NACC1: variants seen among roughly 807,000 people sequenced by gnomAD.
NACC1 encodes the protein nucleus accumbens associated 1.
In NACC1, 6 loss-of-function variants were observed where a neutral mutation model predicts 41.7. The observed-to-expected ratio is 0.14, with a 90% confidence interval of 0.08 to 0.28. NACC1 has a LOEUF of 0.28. Ranked by LOEUF, NACC1 falls within the 10% of genes least tolerant of loss-of-function variation. The pLI, the probability that NACC1 is intolerant of heterozygous loss-of-function variation, is 1.00. For missense variants in NACC1, 434 were observed against 763.7 expected (o/e 0.57, Z 5.09); for synonymous variants, 338 against 330.6 (o/e 1.02, Z -0.24).
chr19:13,138,044 CCCCTTTG>C lies in NACC1; in HGVS notation c.1325-102_1325-96del. On this transcript the variant is annotated intron_variant, in intron 5 of 5. Coordinates refer to ENST00000292431, the MANE Select transcript of NACC1 (RefSeq NM_052876.4). The surrounding 1 kb of genome is among the most constrained non-coding windows in gnomAD (Gnocchi z 5.7). ...CCTGGCCGCGTGGCCTCACTCGTTT[CCCCTTTG>C]AGAGGGAGTCGCAGATGCTGTAGGG... The C allele has an allele frequency of 6.5e-7, 1 of 1,530,252 alleles. No homozygotes were observed. The highest frequency in any genetic ancestry group is 1.8e-5 in the Admixed American group (1 of 56,850). The allele number at this position is 1,530,252 out of a possible 1,614,324, so 94.8% of individuals were successfully genotyped here.
At chr19:13,120,946 T>C (rs918961967) in intron 1 of NACC1, among the ~76,000 whole-genome samples, 1 of 152,244 alleles carries the variant, frequency 6.6e-6, no homozygotes, top group African/African-American at 2.4e-5. Flanking sequence ...TTTATTTCAC[T>C]GCTGGGTGCT....
At position 13,136,170 on chromosome 19, in the gene NACC1, TC is replaced by T; in HGVS notation, c.946+22del. On this transcript the variant is annotated intron_variant, in intron 2 of 5. Transcript: ENST00000292431. This position sits in a 1 kb window ranked among gnomAD's most constrained non-coding sequence, Gnocchi z 5.5. ...GCCAGACAGGTGAGGTGCCGTCCTG[TC>T]CCCCATCCCACCAGCCACCCCTGCT... 6.2e-7 allele frequency: 1 copy of T among 1,602,768 alleles called. No individual in the cohort carries two copies. Among genetic ancestry groups the T allele is most frequent in the Non-Finnish European group, 8.5e-7 (1 of 1,173,878 alleles).
chr19:13,122,304 G>A (rs1268778564), intron 1 of NACC1, among the ~76,000 whole-genome samples: 1 of 152,124 alleles, frequency 6.6e-6, no homozygotes, highest in Non-Finnish European at 1.5e-5. Flanking sequence ...GTAAGGGTGA[G>A]CAGACACGGT....
chr19:13,134,704 A>G (rs2019676718), intron 1 of NACC1, among the ~76,000 whole-genome samples: 1 of 152,168 alleles, frequency 6.6e-6, no homozygotes, highest in Non-Finnish European at 1.5e-5. Flanking sequence ...TAGTCATTAT[A>G]CAAACAGTGA....
rs2019727482 is a variant in NACC1, at chr19:13,137,778, AG to A, written c.1324+204del. The stretch of plus-strand genomic sequence containing the variant: ...TGCACGTGCCGAAGGGAAGCCAGGG[AG>A]CCTGTGTCAGGCAGGAGGGTCTCGA... On this transcript the variant is annotated intron_variant, in intron 5 of 5. Coordinates refer to ENST00000292431, the MANE Select transcript of NACC1 (RefSeq NM_052876.4). The surrounding 1 kb of genome is among the most constrained non-coding windows in gnomAD (Gnocchi z 6.1). 2.0e-5 allele frequency among the ~76,000 whole-genome samples: 3 copies of A among 152,148 alleles called. No homozygotes were observed. Among genetic ancestry groups the A allele is most frequent in the Admixed American group, 6.6e-5 (1 of 15,266 alleles).
At position 13,137,824 on chromosome 19, in the gene NACC1, G is replaced by A. The variant is rs2019728327; in HGVS notation, c.1324+249G>A. Among the ~76,000 whole-genome samples the A allele has an allele frequency of 6.6e-6, 1 of 152,170 alleles. No homozygotes were observed. The highest frequency in any genetic ancestry group is 2.4e-5 in the African/African-American group (1 of 41,432). ...TCTCGAACTCAGGGCAGTCTGGGAGGGATGAGGCAGCCAGACAGTGCTAGC... is the reference window on the plus strand; with the variant it reads ...TCTCGAACTCAGGGCAGTCTGGGAGAGATGAGGCAGCCAGACAGTGCTAGC... On this transcript the variant is annotated intron_variant, in intron 5 of 5. Coordinates refer to ENST00000292431, the MANE Select transcript of NACC1 (RefSeq NM_052876.4). The surrounding 1 kb of genome is among the most constrained non-coding windows in gnomAD (Gnocchi z 6.1).
In NACC1 at chr19:13,138,499, A is replaced by G; in HGVS notation, c.*93A>G. 2 of 1,524,768 alleles carry G rather than the reference A, an allele frequency of 1.3e-6. No homozygotes were observed. The highest frequency in any genetic ancestry group is 4.6e-5 in the East Asian group (2 of 43,174). 94.5% of individuals were successfully genotyped at this position (1,524,768 alleles called of 1,614,324 possible). On this transcript the variant is annotated 3_prime_UTR_variant, in exon 6 of 6. Coordinates refer to ENST00000292431, the MANE Select transcript of NACC1 (RefSeq NM_052876.4). This position sits in a 1 kb window ranked among gnomAD's most constrained non-coding sequence, Gnocchi z 5.7. ...CATGAGCTACTGTCTGTCCCTCCCC[A>G]GGACCCGCGGTGGGTGCTGCATGTT...
At chr19:13,128,517 T>G (rs1290854994) in intron 1 of NACC1, among the ~76,000 whole-genome samples, 3 of 152,218 alleles carry the variant, frequency 2.0e-5, no homozygotes, top group African/African-American at 7.2e-5. Context: ...TGGAGGGACA[T>G]ACTTTGTCCA....
At chr19:13,122,213 C>G (rs1369040057) in intron 1 of NACC1, among the ~76,000 whole-genome samples, 1 of 152,202 alleles carries the variant, frequency 6.6e-6, no homozygotes, top group Non-Finnish European at 1.5e-5. Context: ...GGTCTCAGTT[C>G]TTAGAGACCT....
Position 13,138,245 on chromosome 19 carries a change from T to C in NACC1, c.1423T>C (p.Trp475Arg). 1 of 1,614,146 alleles carries C rather than the reference T, an allele frequency of 6.2e-7. No individual in the cohort carries two copies. The highest frequency in any genetic ancestry group is 8.5e-7 in the Non-Finnish European group (1 of 1,180,002). Residue 475 changes from tryptophan (W) to arginine (R), a missense_variant, in exon 6 of 6, where the codon TGG becomes CGG. Trp to Arg is a moderately radical substitution (Grantham distance 101, BLOSUM62 -3). This residue lies in a region of NACC1 where 70 missense variants were observed against 206.9 expected (regional missense o/e 0.34). Transcript: ENST00000292431. This position sits in a 1 kb window ranked among gnomAD's most constrained non-coding sequence, Gnocchi z 5.7. ...TNARRVVRKS[W>R]MPKVKVLKAE... ...CGCCCGCCGCGTCGTGCGCAAGAGCTGGATGCCCAAGGTCAAGGTGCTCAA... is the reference window on the plus strand; with the variant it reads ...CGCCCGCCGCGTCGTGCGCAAGAGCCGGATGCCCAAGGTCAAGGTGCTCAA...
At chr19:13,129,441 T>C (rs1250138242) in intron 1 of NACC1, among the ~76,000 whole-genome samples, 1 of 142,376 alleles carries the variant, frequency 7.0e-6, no homozygotes, top group Non-Finnish European at 1.5e-5. Flanking sequence ...TTGGGCAGGA[T>C]TGGGCCGGAT....
Position 13,136,234 on chromosome 19 carries a change from G to C in NACC1, c.949G>C (p.Glu317Gln). ...YSMMNVGQTA[E>Q]KVEALPEQVA... ...CGCGTGCCACTCTCTCCCTGCAGCC[G>C]AGAAGGTGGAGGCCCTCCCGGAGCA... The change falls in exon 3 of 6, where the codon GAG becomes CAG. Residue 317 changes from glutamate to glutamine, a missense_variant and splice_region_variant. Glu to Gln is a conservative substitution (Grantham distance 29). Coordinates refer to ENST00000292431, the MANE Select transcript of NACC1 (RefSeq NM_052876.4). This position sits in a 1 kb window ranked among gnomAD's most constrained non-coding sequence, Gnocchi z 5.5. 6.2e-7 allele frequency: 1 copy of C among 1,611,940 alleles called. No individual in the cohort carries two copies. The highest frequency in any genetic ancestry group is 8.5e-7 in the Non-Finnish European group (1 of 1,178,640).
chr19:13,129,327 G>A (rs28609273), intron 1 of NACC1, among the ~76,000 whole-genome samples: 5,050 of 152,204 alleles, frequency 0.033, 246 homozygotes, highest in African/African-American at 0.11. Context: ...ACCTGCCAGC[G>A]AGAGACCCGT....
Position 13,139,945 on chromosome 19 carries a change from C to T in NACC1, c.*1539C>T, listed in dbSNP as rs2019764900. The T allele has an allele frequency of 6.6e-6, 1 of 152,384 alleles. No homozygotes were observed. The highest frequency in any genetic ancestry group is 2.4e-5 in the African/African-American group (1 of 41,412). 9.4% of individuals were successfully genotyped at this position (152,384 alleles called of 1,614,324 possible). ...GCCTCTCATCTGCCTCCCCAACCCC[C>T]ACCTACCCACTGCTCCCAGGGGTCT... On this transcript the variant is annotated 3_prime_UTR_variant, in exon 6 of 6. Transcript: ENST00000292431.
chr19:13,123,808 G>A (rs74181691), intron 1 of NACC1, among the ~76,000 whole-genome samples: 112 of 152,256 alleles, frequency 7.4e-4, no homozygotes, highest in Non-Finnish European at 1.2e-3. Context: ...TGCCTGATTC[G>A]GGAGCCAGAC....
In NACC1 at chr19:13,138,517, T is replaced by C. The variant is rs1568387030; in HGVS notation, c.*111T>C. 7.6e-6 allele frequency: 11 copies of C among 1,456,770 alleles called. No homozygotes were observed. Among genetic ancestry groups the C allele is most frequent in the Non-Finnish European group, 1.0e-5 (11 of 1,086,434 alleles). The allele number at this position is 1,456,770 out of a possible 1,614,324, so 90.2% of individuals were successfully genotyped here. A position where few individuals can be genotyped will look rare whatever the true frequency, so the allele number is the denominator to read the frequency against. On this transcript the variant is annotated 3_prime_UTR_variant, in exon 6 of 6. Coordinates refer to ENST00000292431, the MANE Select transcript of NACC1 (RefSeq NM_052876.4). This position sits in a 1 kb window ranked among gnomAD's most constrained non-coding sequence, Gnocchi z 5.7. ...CCTCCCCAGGACCCGCGGTGGGTGC[T>C]GCATGTTCCCGGCCCTCTGCCCCTC...
At chr19:13,127,041 C>T (rs1226852214) in intron 1 of NACC1, among the ~76,000 whole-genome samples, 1 of 151,892 alleles carries the variant, frequency 6.6e-6, no homozygotes, top group Non-Finnish European at 1.5e-5. Flanking sequence ...TTGAGACCAG[C>T]CTGGGCAACA....
chr19:13,120,182 T>C (rs1265041850), intron 1 of NACC1, among the ~76,000 whole-genome samples: 1 of 152,126 alleles, frequency 6.6e-6, no homozygotes, highest in Non-Finnish European at 1.5e-5. Context: ...CTCGGAGGCC[T>C]GGTCACCCCT....
intron 1 of NACC1, among the ~76,000 whole-genome samples, chr19:13,119,329 C>T (rs2019459070): frequency 6.6e-6 from 1 of 152,108 alleles, no homozygotes; most frequent in Non-Finnish European, 1.5e-5. Context: ...CTTGGGCAAG[C>T]CTCTGCCAAC....
Sources: allele counts gnomAD v4.1 joint callset (sites outside exome capture counted in the v4.1 genomes callset), GRCh38; gene constraint gnomAD v4.1.1; regional missense constraint gnomAD v4.1.1; non-coding constraint Gnocchi (gnomAD v3.1); transcripts MANE v1.5; gene names NCBI Gene and HGNC (gene_info 2026-07-23, HGNC 2026-07-21).